The following ERLIN1 variants were observed in gnomAD, a reference collection of about 807,000 sequenced individuals.
ERLIN1 encodes ER lipid raft associated 1, also known as erlin-1.
Under a neutral mutation model 46.9 loss-of-function variants are expected in ERLIN1, and 24 were observed. The observed-to-expected ratio is 0.51, with a 90% CI of 0.37 to 0.72. The LOEUF (loss-of-function observed/expected upper bound fraction) is 0.72, where lower values mean the gene tolerates loss of function less well. ERLIN1 is among the 30% of genes least tolerant of loss of function. The pLI, the probability that ERLIN1 is intolerant of heterozygous loss-of-function variation, is 0.00. For missense variants in ERLIN1, 293 were observed against 417.9 expected (o/e 0.70, Z 2.61); for synonymous variants, 158 against 143.2 (o/e 1.10, Z -0.74).
intron 8 of ERLIN1, among the ~76,000 whole-genome samples, chr10:100,163,574 AC>A (rs1418678404): frequency 6.6e-6 from 1 of 152,180 alleles, no homozygotes; most frequent in Non-Finnish European, 1.5e-5. Context: ...TCTGAAATGA[AC>A]TGTAAACAAT....
Position 100,152,495 on chromosome 10 carries a change from G to A in ERLIN1, c.826-143C>T, listed in dbSNP as rs949446738. 8.3e-5 allele frequency: 53 copies of A among 638,670 alleles called. No individual in the cohort carries two copies. The African/African-American group carries it at 8.5e-4, about 10-fold the overall frequency. 39.6% of individuals were successfully genotyped at this position (638,670 alleles called of 1,614,324 possible). On this transcript the variant is annotated intron_variant, in intron 10 of 10. Transcript: ENST00000421367. Reference sequence around the variant, plus strand: ...CTGCCAATGACCCTCTCTCACTTTGGAGAGTGGCTATCACATTAACAGCTG... The same window carrying A: ...CTGCCAATGACCCTCTCTCACTTTGAAGAGTGGCTATCACATTAACAGCTG...
In ERLIN1 at chr10:100,156,212, C is replaced by T. The variant is rs762266742; in HGVS notation, c.678G>A (p.Val226=). The T allele has an allele frequency of 6.2e-7, 1 of 1,612,432 alleles. No homozygotes were observed. Among genetic ancestry groups the T allele is most frequent in the South Asian group, 1.1e-5 (1 of 90,928 alleles). ...AVIEAEKIAQ[V]AKIRFQQKVM... ...CTTTCTGCTGAAACCGAATTTTTGCCACTTGTGCAATCTTCTCTGCTTCTA... is the reference window on the plus strand; with the variant it reads ...CTTTCTGCTGAAACCGAATTTTTGCTACTTGTGCAATCTTCTCTGCTTCTA... Residue 226 remains valine (V), a synonymous_variant, in exon 9 of 11, where the codon GTG becomes GTA. Transcript: ENST00000421367.
In ERLIN1 at chr10:100,164,031, C is replaced by A; in HGVS notation, c.628G>T (p.Glu210Ter). The change falls in exon 8 of 11, where the codon GAG becomes TAG. Residue 210 changes from glutamate (E) to a stop codon, truncating the protein, a stop_gained. Coordinates refer to ENST00000421367, the MANE Select transcript of ERLIN1 (RefSeq NM_006459.4). LOFTEE classifies it high-confidence loss of function. ...QKQKVVEKEA[E>*]TERKKAVIEA... ...ATAACTGCCTTTTTCCTCTCTGTCTCAGCTTCTTTTTCCACAACCTTTTGT... is the reference window on the plus strand; with the variant it reads ...ATAACTGCCTTTTTCCTCTCTGTCTAAGCTTCTTTTTCCACAACCTTTTGT... 1 of 1,613,200 alleles carries A rather than the reference C, an allele frequency of 6.2e-7. No individual in the cohort carries two copies. The highest frequency in any genetic ancestry group is 8.5e-7 in the Non-Finnish European group (1 of 1,179,352).
At position 100,185,694 on chromosome 10, in the gene ERLIN1, G is replaced by A; in HGVS notation, c.-68C>T. The A allele has an allele frequency of 7.8e-6, 10 of 1,284,760 alleles. No individual in the cohort carries two copies. Among genetic ancestry groups the A allele is most frequent in the Non-Finnish European group, 1.1e-5 (10 of 885,190 alleles). The allele number at this position is 1,284,760 out of a possible 1,614,324, so 79.6% of individuals were successfully genotyped here. A position where few individuals can be genotyped will look rare whatever the true frequency, so the allele number is the denominator to read the frequency against. Reference sequence around the variant, plus strand: ...GTGAGTGACAGGTCCACCCCCTCCAGTTTCTACCCTCTCCCTCCGGAAACT... The same window carrying A: ...GTGAGTGACAGGTCCACCCCCTCCAATTTCTACCCTCTCCCTCCGGAAACT... On this transcript the variant is annotated 5_prime_UTR_variant, in exon 1 of 11. Coordinates refer to ENST00000421367, the MANE Select transcript of ERLIN1 (RefSeq NM_006459.4).
At chr10:100,185,484 G>A in intron 1 of ERLIN1, 30 bp downstream of exon 1, 2 of 1,524,866 alleles carry the variant, frequency 1.3e-6, no homozygotes, top group Non-Finnish European at 9.1e-7. Context: ...ATCTGCTCTA[G>A]AGCCCTAACT....
chr10:100,171,567 A>G (rs192154200), intron 6 of ERLIN1, among the ~76,000 whole-genome samples: 294 of 152,120 alleles, frequency 1.9e-3, no homozygotes, highest in African/African-American at 6.9e-3. Flanking sequence ...CACCACACCT[A>G]CCTAATTTTT....
chr10:100,158,765 T>C (rs1030513776), intron 8 of ERLIN1, among the ~76,000 whole-genome samples: 6 of 152,118 alleles, frequency 3.9e-5, no homozygotes, highest in East Asian at 1.9e-4. Flanking sequence ...AAGAAGAGGA[T>C]AGAATGATTA....
At chr10:100,183,367 T>C (rs561054468) in intron 2 of ERLIN1, among the ~76,000 whole-genome samples, 6 of 152,306 alleles carry the variant, frequency 3.9e-5, no homozygotes, top group East Asian at 1.9e-4. Flanking sequence ...TGATCCTCCA[T>C]GTTAACAGTA....
chr10:100,185,456 C>T (rs1844909079), intron 1 of ERLIN1, 58 bp downstream of exon 1: 5 of 1,334,090 alleles, frequency 3.7e-6, no homozygotes, highest in Non-Finnish European at 5.4e-6. Context: ...CCAGACTCCA[C>T]TCTGGAGTAC....
chr10:100,163,369 T>C lies in ERLIN1; in HGVS notation c.655+635A>G, dbSNP rs1003580502. Among the ~76,000 whole-genome samples the C allele has an allele frequency of 1.5e-4, 10 of 65,608 alleles. 1 individual carries two copies. The Admixed American group carries it at 2.0e-3, about 13-fold the overall frequency. 43.0% of individuals were successfully genotyped at this position (65,608 alleles called of 152,430 possible). On this transcript the variant is annotated intron_variant, in intron 8 of 10. Coordinates refer to ENST00000421367, the MANE Select transcript of ERLIN1 (RefSeq NM_006459.4). Reference sequence around the variant, plus strand: ...AAGGAGGCTTCAAACAGATATTTAATTTTTTTCTTAAAAAAAAAAAAAAAG... The same window carrying C: ...AAGGAGGCTTCAAACAGATATTTAACTTTTTTCTTAAAAAAAAAAAAAAAG...
intron 6 of ERLIN1, among the ~76,000 whole-genome samples, chr10:100,172,697 A>C (rs1347484746): frequency 6.6e-6 from 1 of 152,206 alleles, no homozygotes; most frequent in Non-Finnish European, 1.5e-5. Context: ...CATGGGTCAC[A>C]ATTATTTGCA....
Position 100,164,114 on chromosome 10 carries a change from T to TA in ERLIN1, c.564-20dup. 6.5e-7 allele frequency: 1 copy of TA among 1,548,708 alleles called. No individual in the cohort carries two copies. The highest frequency in any genetic ancestry group is 8.9e-7 in the Non-Finnish European group (1 of 1,124,444). On this transcript the variant is annotated intron_variant, in intron 7 of 10. Coordinates refer to ENST00000421367, the MANE Select transcript of ERLIN1 (RefSeq NM_006459.4). ...AGCCTCCCTGTGAAGCAAAATGTTA[T>TA]AAAAATTAGAAATGATTCTCCTATG...
At position 100,150,962 on chromosome 10, in the gene ERLIN1, A is replaced by G. The variant is rs1351251454; in HGVS notation, c.*1169T>C. On this transcript the variant is annotated 3_prime_UTR_variant, in exon 11 of 11. Transcript: ENST00000421367. ...TGGGGGAGGTGACAGCTGGAGAAAC[A>G]ACTTGGATTTAAGCATCTCTGGGCC... The G allele has an allele frequency of 6.6e-6, 1 of 152,322 alleles. No individual in the cohort carries two copies. Among genetic ancestry groups the G allele is most frequent in the African/African-American group, 2.4e-5 (1 of 41,456 alleles). The allele number at this position is 152,322 out of a possible 1,614,324, so 9.4% of individuals were successfully genotyped here. A position where few individuals can be genotyped will look rare whatever the true frequency, so the allele number is the denominator to read the frequency against.
intron 10 of ERLIN1, among the ~76,000 whole-genome samples, chr10:100,154,525 A>C (rs1422974907): frequency 6.6e-6 from 1 of 152,208 alleles, no homozygotes; most frequent in Non-Finnish European, 1.5e-5. Context: ...TACTGCTCTA[A>C]TCAAGCTAAG....
intron 4 of ERLIN1, 66 bp downstream of exon 4, chr10:100,178,067 A>G (rs1464906022): frequency 1.6e-5 from 16 of 1,015,510 alleles, no homozygotes; most frequent in Non-Finnish European, 2.2e-5. Context: ...CTATTCCTCA[A>G]AGAATCTCTC....
chr10:100,162,982 TAACTCCTCA>T (rs1402991701), intron 8 of ERLIN1, among the ~76,000 whole-genome samples: 23 of 152,106 alleles, frequency 1.5e-4, no homozygotes, highest in Non-Finnish European at 2.9e-4. Context: ...AGAAACTACC[TAACTCCTCA>T]TTGGTAATTC....
At chr10:100,160,918 G>C (rs369556527) in intron 8 of ERLIN1, among the ~76,000 whole-genome samples, 100 of 152,312 alleles carry the variant, frequency 6.6e-4, no homozygotes, top group African/African-American at 2.3e-3. Context: ...CTGTACTCCA[G>C]CCTGGGTGGC....
At chr10:100,165,354 C>G (rs895548436) in intron 7 of ERLIN1, among the ~76,000 whole-genome samples, 2 of 150,766 alleles carry the variant, frequency 1.3e-5, no homozygotes, top group Non-Finnish European at 3.0e-5. Context: ...AGAAAACACA[C>G]AATATTCATT....
At chr10:100,155,268 G>T (rs944281441) in intron 9 of ERLIN1, among the ~76,000 whole-genome samples, 4 of 151,936 alleles carry the variant, frequency 2.6e-5, no homozygotes, top group African/African-American at 9.7e-5. Flanking sequence ...AGACATAAAA[G>T]CTCTATTTAC....
Sources: allele counts gnomAD v4.1 joint callset (sites outside exome capture counted in the v4.1 genomes callset), GRCh38; gene constraint gnomAD v4.1.1; transcripts MANE v1.5; gene names NCBI Gene and HGNC (gene_info 2026-07-23, HGNC 2026-07-21).